HDAC9: variants seen among roughly 807,000 people sequenced by gnomAD.
HDAC9 encodes histone deacetylase 9.
In HDAC9, 41 loss-of-function variants were observed where a neutral mutation model predicts 139.4. The observed-to-expected ratio is 0.29, with a 90% CI of 0.23 to 0.38. The LOEUF (loss-of-function observed/expected upper bound fraction) is 0.38. Ranked by LOEUF, HDAC9 falls within the 10% of genes least tolerant of loss-of-function variation. The pLI, the probability that HDAC9 is intolerant of heterozygous loss-of-function variation, is 1.00. For synonymous variants in HDAC9, 517 were observed against 476.2 expected, an observed-to-expected ratio of 1.09 and a Z score of -1.12; for missense variants, 1,147 against 1,297.0, an observed-to-expected ratio of 0.88 and a Z score of 1.78.
intron 22 of HDAC9, among the ~76,000 whole-genome samples, chr7:18,897,131 A>G (rs993926949): frequency 1.3e-5 from 2 of 151,442 alleles, no homozygotes; most frequent in African/African-American, 4.8e-5. Context: ...TTAAAAATAG[A>G]AAAAAAATTT....
At chr7:18,534,424 G>C (rs979556610) in intron 2 of HDAC9, among the ~76,000 whole-genome samples, 24 of 152,198 alleles carry the variant, frequency 1.6e-4, no homozygotes, top group Non-Finnish European at 3.5e-4. Flanking sequence ...GTGCATGCCT[G>C]TAGTTCCTGC....
At chr7:18,777,670 A>T (rs1790895020) in intron 16 of HDAC9, among the ~76,000 whole-genome samples, 1 of 151,978 alleles carries the variant, frequency 6.6e-6, no homozygotes, top group Non-Finnish European at 1.5e-5. Flanking sequence ...ACTTGGCTAA[A>T]TTTTTTAGGA....
chr7:18,662,826 C>T (rs1233745454), intron 11 of HDAC9, among the ~76,000 whole-genome samples: 1 of 152,090 alleles, frequency 6.6e-6, no homozygotes, highest in Admixed American at 6.6e-5. Context: ...AGCACTGAGA[C>T]CCCATTGGAG....
At chr7:18,985,828 G>A (rs1785301238) in intron 25 of HDAC9, among the ~76,000 whole-genome samples, 1 of 130,964 alleles carries the variant, frequency 7.6e-6, no homozygotes, top group Non-Finnish European at 1.6e-5. Flanking sequence ...CAGTGATGGT[G>A]AGCATTTTTT....
In HDAC9 at chr7:19,001,928, T is replaced by C. The variant is rs944896944; in HGVS notation, c.*5866T>C. 1 of 152,126 alleles carries C rather than the reference T, an allele frequency of 6.6e-6. No homozygotes were observed. The highest frequency in any genetic ancestry group is 1.5e-5 in the Non-Finnish European group (1 of 67,970). The allele number at this position is 152,126 out of a possible 1,614,324, so 9.4% of individuals were successfully genotyped here. On this transcript the variant is annotated 3_prime_UTR_variant, in exon 26 of 26. Transcript: ENST00000686413. ...ACATTCTAGACCAGGCTTGTTGATA[T>C]GTATGCCAATAGCCTAGAATTTTTG...
chr7:18,896,619 T>G (rs541470231), intron 22 of HDAC9, among the ~76,000 whole-genome samples: 10 of 152,224 alleles, frequency 6.6e-5, no homozygotes, highest in Non-Finnish European at 1.3e-4. Context: ...ATGATCTTCT[T>G]TGTCCCTCAT....
chr7:18,822,305 A>G (rs1795038592), intron 17 of HDAC9, among the ~76,000 whole-genome samples: 1 of 152,036 alleles, frequency 6.6e-6, no homozygotes, highest in Non-Finnish European at 1.5e-5. Context: ...GACACCTTTC[A>G]CTTCAGAGAG....
intron 2 of HDAC9, chr7:18,543,184 C>T (rs2128625625): frequency 6.6e-6 from 1 of 152,250 alleles, no homozygotes; most frequent in African/African-American, 2.4e-5. Flanking sequence ...CTTCCAAATT[C>T]TCTACCCACA....
chr7:18,458,971 T>C, intron 1 of HDAC9: 1 of 1,126,028 alleles, frequency 8.9e-7, no homozygotes. Flanking sequence ...GGTGACTTCC[T>C]TTTCCAGGCT....
rs1409066155 is a variant in HDAC9 at position 18,997,724 on chromosome 7, T to C, written c.*1662T>C. ...TAACCTGTAAATCAAAGATGAAAGATTTCACTCAAGTAGAATTATATAACT... is the reference window on the plus strand; with the variant it reads ...TAACCTGTAAATCAAAGATGAAAGACTTCACTCAAGTAGAATTATATAACT... On this transcript the variant is annotated 3_prime_UTR_variant, in exon 26 of 26. Coordinates refer to ENST00000686413, the MANE Select transcript of HDAC9 (RefSeq NM_178425.4). The C allele has an allele frequency of 6.6e-6, 1 of 152,136 alleles. No individual in the cohort carries two copies. The highest frequency in any genetic ancestry group is 1.5e-5 in the Non-Finnish European group (1 of 68,002). The allele number at this position is 152,136 out of a possible 1,614,324, so 9.4% of individuals were successfully genotyped here.
At chr7:18,613,214 G>A (rs1837656301) in intron 6 of HDAC9, among the ~76,000 whole-genome samples, 1 of 151,534 alleles carries the variant, frequency 6.6e-6, no homozygotes, top group Non-Finnish European at 1.5e-5. Flanking sequence ...GGAAAGAACA[G>A]TCCATTAGTT....
At chr7:18,625,135 C>T (rs1463345126) in intron 6 of HDAC9, among the ~76,000 whole-genome samples, 1 of 151,954 alleles carries the variant, frequency 6.6e-6, no homozygotes, top group Admixed American at 6.6e-5. Context: ...ATAAAAGTTG[C>T]CTAGTGTTAT....
chr7:18,561,422 A>T (rs1820565034), intron 2 of HDAC9, among the ~76,000 whole-genome samples: 1 of 152,214 alleles, frequency 6.6e-6, no homozygotes, highest in Non-Finnish European at 1.5e-5. Flanking sequence ...TAAACAATTT[A>T]ATTAGATTAT....
intron 1 of HDAC9, among the ~76,000 whole-genome samples, chr7:18,160,210 A>C (rs1273861845): frequency 6.6e-6 from 1 of 152,224 alleles, no homozygotes; most frequent in East Asian, 1.9e-4. Context: ...GTTACCTTTC[A>C]GAGCTGCTTC....
intron 22 of HDAC9, among the ~76,000 whole-genome samples, chr7:18,879,031 C>A (rs1799530966): frequency 6.6e-6 from 1 of 151,990 alleles, no homozygotes; most frequent in African/African-American, 2.4e-5. Flanking sequence ...AAGCCTAGAG[C>A]CAAATGAGAA....
chr7:18,595,455 G>C (rs1404781921), intron 6 of HDAC9, among the ~76,000 whole-genome samples: 1 of 152,020 alleles, frequency 6.6e-6, no homozygotes, highest in African/African-American at 2.4e-5. Flanking sequence ...TAAAGGACAG[G>C]AGTTTTAGAA....
chr7:18,256,778 T>C (rs1328076636), intron 2 of HDAC9, among the ~76,000 whole-genome samples: 16 of 152,114 alleles, frequency 1.1e-4, no homozygotes, highest in Admixed American at 1.0e-3. Flanking sequence ...TGAACAGGAT[T>C]TTAAGTTTGT....
intron 17 of HDAC9, among the ~76,000 whole-genome samples, chr7:18,803,684 T>TC (rs1793482824): frequency 6.6e-6 from 1 of 152,174 alleles, no homozygotes; most frequent in Non-Finnish European, 1.5e-5. Flanking sequence ...CTATTTTTTT[T>TC]CTCTTGGATT....
chr7:18,609,953 T>G (rs1313948114), intron 6 of HDAC9, among the ~76,000 whole-genome samples: 2 of 152,140 alleles, frequency 1.3e-5, no homozygotes, highest in East Asian at 3.9e-4. Flanking sequence ...ACAAAGGACA[T>G]GAACTCATCA....
Sources: allele counts gnomAD v4.1 joint callset (sites outside exome capture counted in the v4.1 genomes callset), GRCh38; gene constraint gnomAD v4.1.1; transcripts MANE v1.5; gene names NCBI Gene and HGNC (gene_info 2026-07-23, HGNC 2026-07-21).